Variants in TTLL3 observed in about 807,000 individuals in gnomAD.
The protein encoded by TTLL3 is tubulin tyrosine ligase like 3, also known as tubulin monoglycylase TTLL3.
TTLL3 carries 63 observed loss-of-function variants against 75.2 expected under a neutral mutation model. The ratio of observed to expected loss-of-function variants is 0.84; its 90% confidence interval spans 0.68 to 1.03. TTLL3 has a LOEUF of 1.03. Among genes scored for constraint, TTLL3 ranks in the 50% least tolerant of loss-of-function variants. The probability of loss-of-function intolerance (pLI) is 0.00; values close to 1 mark genes in which losing one functional copy is unlikely to be tolerated. For missense variants in TTLL3, 997 were observed against 1,069.9 expected (o/e 0.93, Z 0.95); for synonymous variants, 393 against 418.5 (o/e 0.94, Z 0.74).
At chr3:9,827,639 T>C in intron 10 of TTLL3, 3 of 236,658 alleles carry the variant, frequency 1.3e-5, no homozygotes, top group South Asian at 5.9e-5. Context: ...GCTCAAGCGA[T>C]CATCCCACCT....
chr3:9,818,685 C>A, intron 6 of TTLL3, 137 bp from the exon 7 acceptor site: 1 of 1,536,538 alleles, frequency 6.5e-7, no homozygotes, highest in Non-Finnish European at 8.7e-7. Context: ...GGAGCAAGTT[C>A]TAAACTCAGG....
rs180819566 is a variant in TTLL3 at position 9,815,294 on chromosome 3, C to T, written c.316-780C>T. ...GTCAGGAATGGCTGAATATTGGCAGCTTCATATGGGTCAATCTCATGAGCC... is the reference window on the plus strand; with the variant it reads ...GTCAGGAATGGCTGAATATTGGCAGTTTCATATGGGTCAATCTCATGAGCC... On this transcript the variant is annotated intron_variant, in intron 4 of 13. Transcript: ENST00000685419. Among the ~76,000 whole-genome samples the T allele has an allele frequency of 2.1e-3, 315 of 151,630 alleles. 8 individuals are homozygous for T. The highest frequency in any genetic ancestry group is 0.013 in the East Asian group (69 of 5,172).
At chr3:9,813,843 C>T (rs1480134058) in intron 4 of TTLL3, among the ~76,000 whole-genome samples, 1 of 151,992 alleles carries the variant, frequency 6.6e-6, no homozygotes, top group African/African-American at 2.4e-5. Context: ...AGGGACACAG[C>T]AGGGCTGTGT....
At chr3:9,831,390 A>C (rs1031976695) in intron 11 of TTLL3, among the ~76,000 whole-genome samples, 3 of 152,194 alleles carry the variant, frequency 2.0e-5, no homozygotes, top group African/African-American at 7.2e-5. Context: ...GATGAGGTTA[A>C]ACATTTTTCC....
intron 4 of TTLL3, among the ~76,000 whole-genome samples, chr3:9,815,137 G>A (rs1256303766): frequency 6.6e-6 from 1 of 151,662 alleles, no homozygotes; most frequent in African/African-American, 2.4e-5. Context: ...CTACTAGGGA[G>A]GCTGAGGCAG....
intron 4 of TTLL3, among the ~76,000 whole-genome samples, chr3:9,814,444 AAG>A (rs2125685398): frequency 6.6e-6 from 1 of 152,072 alleles, no homozygotes; most frequent in African/African-American, 2.4e-5. Flanking sequence ...TCAGGAGTTC[AAG>A]ACCAACCGGG....
rs761733085 is a variant in TTLL3, at chr3:9,813,292, G to T, written c.262G>T (p.Asp88Tyr). 6.2e-7 allele frequency: 1 copy of T among 1,614,086 alleles called. No individual in the cohort carries two copies. Among genetic ancestry groups the T allele is most frequent in the Non-Finnish European group, 8.5e-7 (1 of 1,180,052 alleles). ...DEEFQPSQLF[D>Y]FDDLLKFDDL... ...GGAGTTCCAGCCATCACAGCTGTTCGACTTCGATGATTTACTGAAATTTGA... is the reference window on the plus strand; with the variant it reads ...GGAGTTCCAGCCATCACAGCTGTTCTACTTCGATGATTTACTGAAATTTGA... The change falls in exon 4 of 14, where the codon GAC becomes TAC. Residue 88 changes from aspartate (D) to tyrosine (Y), a missense_variant. By Grantham distance (160) the Asp-to-Tyr change is radical (BLOSUM62 -3). Coordinates refer to ENST00000685419, the MANE Select transcript of TTLL3 (RefSeq NM_001387446.1).
chr3:9,809,741 G>A (rs1449025953), upstream of TTLL3: 7 of 336,860 alleles, frequency 2.1e-5, no homozygotes, highest in African/African-American at 8.5e-5. Flanking sequence ...TCCGCCTTCA[G>A]TGCCCTGCTC....
In TTLL3 at chr3:9,810,317, C is replaced by G. The variant is rs1199080316; in HGVS notation, c.-119C>G. Reference sequence around the variant, plus strand: ...GCCTTCAAGACGCTGGTCCCAGGCACCCACGCCCAGGGCGCCTCGGATACC... The same window carrying G: ...GCCTTCAAGACGCTGGTCCCAGGCAGCCACGCCCAGGGCGCCTCGGATACC... On this transcript the variant is annotated 5_prime_UTR_variant, in exon 1 of 14. Transcript: ENST00000685419. This position sits in a 1 kb window ranked among gnomAD's most constrained non-coding sequence, Gnocchi z 4.4. The G allele has an allele frequency of 6.8e-7, 1 of 1,478,116 alleles. No individual in the cohort carries two copies. Among genetic ancestry groups the G allele is most frequent in the Non-Finnish European group, 8.9e-7 (1 of 1,126,258 alleles). The allele number at this position is 1,478,116 out of a possible 1,614,324, so 91.6% of individuals were successfully genotyped here. A position where few individuals can be genotyped will look rare whatever the true frequency, so the allele number is the denominator to read the frequency against.
chr3:9,820,797 C>G (rs2080336404), intron 8 of TTLL3, 56 bp downstream of exon 8: 2 of 1,594,200 alleles, frequency 1.3e-6, no homozygotes, highest in Non-Finnish European at 1.7e-6. Context: ...GGGATAGACC[C>G]TTTCTGTCTC....
At chr3:9,817,567 CAG>C (rs1232827026) in intron 5 of TTLL3, 76 bp from the exon 6 acceptor site, 9 of 1,607,862 alleles carry the variant, frequency 5.6e-6, no homozygotes, top group East Asian at 2.2e-5. Context: ...CAGATCCAGT[CAG>C]AGTCTTTCTG....
intron 8 of TTLL3, chr3:9,825,434 C>G: frequency 3.2e-6 from 1 of 316,504 alleles, no homozygotes; most frequent in Middle Eastern, 1.2e-3. Context: ...ATGGAAAGCC[C>G]TTGTCACAAT....
Position 9,820,756 on chromosome 3 carries a change from G to C in TTLL3, c.854+15G>C. The C allele has an allele frequency of 6.2e-7, 1 of 1,613,322 alleles. No individual in the cohort carries two copies. The highest frequency in any genetic ancestry group is 8.5e-7 in the Non-Finnish European group (1 of 1,179,652). On this transcript the variant is annotated intron_variant, in intron 8 of 13. Coordinates refer to ENST00000685419, the MANE Select transcript of TTLL3 (RefSeq NM_001387446.1). The stretch of plus-strand genomic sequence containing the variant: ...CAAGTGGTCCAGTGAGTCCCCTGCA[G>C]CTGGGACTTTGGGCTGTGGGCAGGT...
intron 8 of TTLL3, chr3:9,825,384 T>C (rs2080934015): frequency 4.5e-6 from 1 of 222,926 alleles, no homozygotes; most frequent in Admixed American, 5.2e-5. Flanking sequence ...GTACTAGTAA[T>C]ACTTCCCTGG....
intron 4 of TTLL3, among the ~76,000 whole-genome samples, chr3:9,815,457 C>T (rs1431888332): frequency 1.3e-5 from 2 of 152,170 alleles, no homozygotes; most frequent in Non-Finnish European, 2.9e-5. Flanking sequence ...CATGGGCTGA[C>T]GCTGGTTATT....
At chr3:9,810,135 C>G, upstream of TTLL3, 3 of 1,472,858 alleles carry the variant, frequency 2.0e-6, no homozygotes, top group Non-Finnish European at 2.7e-6. The surrounding 1 kb of genome is among the most constrained non-coding windows in gnomAD (Gnocchi z 4.4). Flanking sequence ...CGCAGCCGCT[C>G]GAGCCACGCA....
At chr3:9,811,004 T>G (rs983098030) in intron 2 of TTLL3, among the ~76,000 whole-genome samples, 5 of 151,966 alleles carry the variant, frequency 3.3e-5, no homozygotes, top group Non-Finnish European at 5.9e-5. Context: ...GGGCACCCTG[T>G]ATCTTTCGAC....
At chr3:9,826,640 G>A (rs1190430728) in intron 9 of TTLL3, among the ~76,000 whole-genome samples, 2 of 149,778 alleles carry the variant, frequency 1.3e-5, no homozygotes, top group South Asian at 2.1e-4. Context: ...GGCTGAGGCA[G>A]GAGAATCACT....
chr3:9,823,605 C>G (rs1389874373), intron 8 of TTLL3, among the ~76,000 whole-genome samples: 1 of 152,058 alleles, frequency 6.6e-6, no homozygotes, highest in Non-Finnish European at 1.5e-5. Flanking sequence ...TGAAAAGATA[C>G]TTCATGCTAC....
Sources: gnomAD v4.1 joint callset for allele counts (sites outside exome capture counted in the v4.1 genomes callset) on GRCh38, gnomAD v4.1.1 for gene constraint, Gnocchi (gnomAD v3.1) non-coding constraint, MANE v1.5 for transcripts, NCBI Gene and HGNC (gene_info 2026-07-23, HGNC 2026-07-21) for gene names.